The following TMEM132D variants were observed in gnomAD, a reference collection of about 807,000 sequenced individuals.
TMEM132D encodes mature OL transmembrane protein.
TMEM132D carries 21 observed loss-of-function variants against 62.3 expected under a neutral mutation model. That is an observed-to-expected ratio of 0.34 (90% CI 0.24 to 0.49). The LOEUF (loss-of-function observed/expected upper bound fraction) is 0.49, where lower values mean the gene tolerates loss of function less well. TMEM132D is among the 20% of genes least tolerant of loss of function. The pLI is 0.99. For missense variants in TMEM132D, 1,346 were observed against 1,402.8 expected, an observed-to-expected ratio of 0.96 and a Z score of 0.65; for synonymous variants, 621 against 575.6, an observed-to-expected ratio of 1.08 and a Z score of -1.13.
At chr12:129,897,782 CA>C (rs1875195877) in intron 1 of TMEM132D, among the ~76,000 whole-genome samples, 2 of 152,208 alleles carry the variant, frequency 1.3e-5, no homozygotes, top group Admixed American at 1.3e-4. Flanking sequence ...TATCAAGGGT[CA>C]TCTGTATACC....
At chr12:129,416,046 A>C in intron 3 of TMEM132D, among the ~76,000 whole-genome samples, 1 of 152,200 alleles carries the variant, frequency 6.6e-6, no homozygotes, top group East Asian at 1.9e-4. Context: ...CTTATTTGAA[A>C]ATAGGGCCTT....
At chr12:129,214,333 T>C (rs1168503638) in intron 4 of TMEM132D, among the ~76,000 whole-genome samples, 9 of 152,358 alleles carry the variant, frequency 5.9e-5, no homozygotes, top group Middle Eastern at 3.4e-3. Context: ...ATGCTTCAAG[T>C]ATCAGCATAG....
At chr12:129,534,653 T>C (rs1876328764) in intron 2 of TMEM132D, among the ~76,000 whole-genome samples, 1 of 152,118 alleles carries the variant, frequency 6.6e-6, no homozygotes, top group African/African-American at 2.4e-5. Flanking sequence ...TATACCACCA[T>C]GGTAGACTTG....
chr12:129,822,187 CTG>C (rs1252907396), intron 1 of TMEM132D, among the ~76,000 whole-genome samples: 1 of 152,072 alleles, frequency 6.6e-6, no homozygotes, highest in African/African-American at 2.4e-5. Flanking sequence ...GGCACCGTCT[CTG>C]AGGATGGGGC....
chr12:129,400,059 A>G (rs1326636906), intron 3 of TMEM132D, among the ~76,000 whole-genome samples: 1 of 152,148 alleles, frequency 6.6e-6, no homozygotes, highest in African/African-American at 2.4e-5. Flanking sequence ...GCATACAACA[A>G]TACATTCTAG....
chr12:129,368,401 C>G (rs1311322165), intron 3 of TMEM132D, among the ~76,000 whole-genome samples: 2 of 152,140 alleles, frequency 1.3e-5, no homozygotes, highest in Non-Finnish European at 2.9e-5. Context: ...TAAACTGTGT[C>G]CTATAACCAC....
intron 5 of TMEM132D, among the ~76,000 whole-genome samples, chr12:129,126,486 G>A (rs1247601968): frequency 6.6e-6 from 1 of 151,616 alleles, no homozygotes; most frequent in Admixed American, 6.6e-5. Context: ...TTCTATCTTA[G>A]TTTAATTAGC....
chr12:129,778,440 C>T (rs1425265192), intron 1 of TMEM132D, among the ~76,000 whole-genome samples: 1 of 152,140 alleles, frequency 6.6e-6, no homozygotes. Context: ...AAAAACACAT[C>T]TGGAGACTCT....
chr12:129,559,017 T>C (rs144065610), intron 2 of TMEM132D, among the ~76,000 whole-genome samples: 297 of 152,322 alleles, frequency 1.9e-3, no homozygotes, highest in African/African-American at 6.9e-3. Flanking sequence ...AGAAATTACA[T>C]GGATGCCAAA....
intron 2 of TMEM132D, among the ~76,000 whole-genome samples, chr12:129,685,235 GC>G (rs1436852049): frequency 6.6e-6 from 1 of 152,176 alleles, no homozygotes; most frequent in Admixed American, 6.5e-5. Context: ...CTTCACAGTA[GC>G]CCTTCTGATC....
At chr12:129,687,384 T>C (rs940808657) in intron 2 of TMEM132D, among the ~76,000 whole-genome samples, 1 of 152,020 alleles carries the variant, frequency 6.6e-6, no homozygotes, top group African/African-American at 2.4e-5. Flanking sequence ...AGTGAACATC[T>C]GTCATGTTTT....
chr12:129,529,977 C>A (rs1392349878), intron 3 of TMEM132D, among the ~76,000 whole-genome samples: 1 of 152,154 alleles, frequency 6.6e-6, no homozygotes, highest in Non-Finnish European at 1.5e-5. Flanking sequence ...TAGGACTGAA[C>A]TCAAATACAG....
chr12:129,627,464 C>T (rs1391232885), intron 2 of TMEM132D, among the ~76,000 whole-genome samples: 3 of 152,108 alleles, frequency 2.0e-5, no homozygotes, highest in Non-Finnish European at 4.4e-5. Context: ...GATGTCTGCA[C>T]ATCAATGAAA....
At chr12:129,672,142 G>A (rs888779022) in intron 2 of TMEM132D, among the ~76,000 whole-genome samples, 6 of 152,226 alleles carry the variant, frequency 3.9e-5, no homozygotes, top group African/African-American at 1.4e-4. Flanking sequence ...GTGAAAGAGA[G>A]GTTGGTAAGC....
At chr12:129,602,948 A>G (rs920159966) in intron 2 of TMEM132D, among the ~76,000 whole-genome samples, 3 of 152,134 alleles carry the variant, frequency 2.0e-5, no homozygotes, top group Non-Finnish European at 4.4e-5. Flanking sequence ...TAATAAAACC[A>G]TTAGATCTTG....
At chr12:129,366,788 C>T (rs554697146) in intron 3 of TMEM132D, among the ~76,000 whole-genome samples, 178 of 151,968 alleles carry the variant, frequency 1.2e-3, no homozygotes, top group Non-Finnish European at 2.1e-3. Flanking sequence ...AGGAGGGGGC[C>T]GAGAATCCTT....
chr12:129,805,699 A>C (rs1871956631), intron 1 of TMEM132D, among the ~76,000 whole-genome samples: 1 of 151,738 alleles, frequency 6.6e-6, no homozygotes, highest in Non-Finnish European at 1.5e-5. Flanking sequence ...AATGGGATCT[A>C]ATTAAACTAA....
At chr12:129,702,911 G>A (rs1171521497) in intron 1 of TMEM132D, among the ~76,000 whole-genome samples, 2 of 152,196 alleles carry the variant, frequency 1.3e-5, no homozygotes, top group African/African-American at 4.8e-5. Flanking sequence ...TTCCATCACT[G>A]TAATCGGAAT....
chr12:129,897,451 G>A (rs918766266), intron 1 of TMEM132D, among the ~76,000 whole-genome samples: 7 of 152,110 alleles, frequency 4.6e-5, no homozygotes, highest in Admixed American at 3.3e-4. Context: ...CCCTGCCCAG[G>A]ACCCTACACA....
Sources: allele counts gnomAD v4.1 joint callset (sites outside exome capture counted in the v4.1 genomes callset), GRCh38; gene constraint gnomAD v4.1.1; transcripts MANE v1.5; gene names NCBI Gene and HGNC (gene_info 2026-07-23, HGNC 2026-07-21).